Variants in EFTUD2 observed in about 807,000 individuals in gnomAD.
EFTUD2 encodes the protein 116 kDa U5 small nuclear ribonucleoprotein component.
EFTUD2 carries 9 observed loss-of-function variants against 114.3 expected under a neutral mutation model. That is an observed-to-expected ratio of 0.08 (90% CI 0.05 to 0.14). The LOEUF (loss-of-function observed/expected upper bound fraction) is 0.14. Among genes scored for constraint, EFTUD2 ranks in the 10% least tolerant of loss-of-function variants. EFTUD2 has a pLI of 1.00. For missense variants in EFTUD2, 765 were observed against 1,241.2 expected, an observed-to-expected ratio of 0.62 and a Z score of 5.76; for synonymous variants, 449 against 462.3, an observed-to-expected ratio of 0.97 and a Z score of 0.37.
chr17:44,881,103 G>A (rs2051064906), intron 7 of EFTUD2, among the ~76,000 whole-genome samples: 1 of 152,042 alleles, frequency 6.6e-6, no homozygotes, highest in South Asian at 2.1e-4. Flanking sequence ...AGCTAACATT[G>A]ATTGCCTATC....
In EFTUD2 at chr17:44,879,282, C is replaced by T. The variant is rs78094864; in HGVS notation, c.702+274G>A. 0.11 allele frequency among the ~76,000 whole-genome samples: 16,305 copies of T among 152,082 alleles called. 881 individuals carry two copies. The highest frequency in any genetic ancestry group is 0.26 in the Middle Eastern group (75 of 294). ...TGTATTTTTGGTAGAGACGGGGTTT[C>T]GCCACGTTGGCCAGGCTGGTCTCGA... On this transcript the variant is annotated intron_variant, in intron 9 of 27. Transcript: ENST00000426333.
At chr17:44,889,376 C>G (rs1391391292) in intron 2 of EFTUD2, among the ~76,000 whole-genome samples, 1 of 152,108 alleles carries the variant, frequency 6.6e-6, no homozygotes, top group African/African-American at 2.4e-5. Context: ...CAGGGAAAAT[C>G]TGGAGGTAAA....
At chr17:44,869,967 A>G (rs2050817538) in intron 11 of EFTUD2, among the ~76,000 whole-genome samples, 1 of 152,226 alleles carries the variant, frequency 6.6e-6, no homozygotes, top group African/African-American at 2.4e-5. Context: ...AGCACATGGT[A>G]TCAGTTTTGG....
In EFTUD2 at chr17:44,860,217, G is replaced by C. The variant is rs1053537782; in HGVS notation, c.1720-172C>G. On this transcript the variant is annotated intron_variant, in intron 17 of 27. Transcript: ENST00000426333. ...GGGCCATTTCTTCCCAGGTATTCTG[G>C]CAGAACAAAGAGAGGAGGAAAATAA... 8.8e-6 allele frequency: 8 copies of C among 912,660 alleles called. No homozygotes were observed. In the Admixed American group the frequency reaches 2.1e-4, roughly 23 times the overall value. The allele number at this position is 912,660 out of a possible 1,614,324, so 56.5% of individuals were successfully genotyped here.
chr17:44,885,096 G>T (rs561701852), intron 4 of EFTUD2, among the ~76,000 whole-genome samples, 160 bp downstream of exon 4: 4 of 152,132 alleles, frequency 2.6e-5, no homozygotes, highest in Non-Finnish European at 5.9e-5. Context: ...AGTTAAGATT[G>T]ACCCCAAATA....
chr17:44,856,130 C>G (rs1448600622), intron 20 of EFTUD2, among the ~76,000 whole-genome samples: 2 of 37,352 alleles, frequency 5.4e-5, no homozygotes, highest in Non-Finnish European at 9.4e-5. Context: ...GACCCTGTCT[C>G]AAAAAAAAAA....
rs1225101910 is a variant in EFTUD2, at chr17:44,860,533, C to G, written c.1618G>C (p.Glu540Gln). The G allele has an allele frequency of 6.2e-7, 1 of 1,611,230 alleles. No homozygotes were observed. Among genetic ancestry groups the G allele is most frequent in the Non-Finnish European group, 8.5e-7 (1 of 1,177,706 alleles). Residue 540 changes from glutamate (E) to glutamine (Q), a missense_variant, in exon 17 of 28, where the codon GAG (glutamate) becomes CAG (glutamine). By Grantham distance (29) the Glu-to-Gln change is conservative. Around this residue, in one of 6 missense-constraint regions of EFTUD2, gnomAD observed 149 missense variants for 245.1 expected, o/e 0.61. Coordinates refer to ENST00000426333, the MANE Select transcript of EFTUD2 (RefSeq NM_004247.4). ...TTGCCAGCAGGAACACGGTTCACCT[C>G]GATGTGGTACCTGAAGCAATGTCCA... ...LWISVARYHI[E>Q]VNRVPAGNWV...
intron 19 of EFTUD2, among the ~76,000 whole-genome samples, chr17:44,858,605 T>C (rs922815311): frequency 3.9e-5 from 6 of 152,160 alleles, no homozygotes; most frequent in African/African-American, 1.4e-4. Context: ...TACAGGTACA[T>C]GCCACTGCAC....
At chr17:44,886,020 T>A (rs1411463010) in intron 3 of EFTUD2, among the ~76,000 whole-genome samples, 5 of 152,040 alleles carry the variant, frequency 3.3e-5, no homozygotes, top group African/African-American at 1.2e-4. Context: ...AGAGATCACT[T>A]GAGGTCAGGA....
intron 5 of EFTUD2, 66 bp from the exon 6 acceptor site, chr17:44,883,224 G>C (rs1456295793): frequency 6.9e-6 from 10 of 1,450,010 alleles, no homozygotes; most frequent in Non-Finnish European, 9.7e-6. Context: ...CCTTCCCCCA[G>C]CTCCCAATAC....
intron 9 of EFTUD2, 92 bp downstream of exon 9, chr17:44,879,464 G>A: frequency 7.8e-7 from 1 of 1,283,074 alleles, no homozygotes; most frequent in Non-Finnish European, 1.1e-6. Context: ...CAAGTTCTCT[G>A]GCTCCCAGCT....
At chr17:44,877,824 C>CAAA (rs2050994984) in intron 9 of EFTUD2, among the ~76,000 whole-genome samples, 1 of 146,414 alleles carries the variant, frequency 6.8e-6, no homozygotes, top group African/African-American at 2.5e-5. Context: ...AAAACAACAA[C>CAAA]AACAACAACA....
rs1281734145 is a variant in EFTUD2, at chr17:44,876,875, A to AAAAAC, written c.703-776_703-775insGTTTT. ...CGTCTCAAAAAAAAAAAAAAAAAAAAAAAAAACTACTCCCCACTATGAGCC... is the reference window on the plus strand; with the variant it reads ...CGTCTCAAAAAAAAAAAAAAAAAAAAAAAACAAAAAACTACTCCCCACTATGAGCC... On this transcript the variant is annotated intron_variant, in intron 9 of 27. Coordinates refer to ENST00000426333, the MANE Select transcript of EFTUD2 (RefSeq NM_004247.4). Among the ~76,000 whole-genome samples the AAAAAC allele has an allele frequency of 5.0e-4, 72 of 144,534 alleles. 1 individual carries two copies. Among genetic ancestry groups the AAAAAC allele is most frequent in the African/African-American group, 1.6e-3 (65 of 39,908 alleles). 94.8% of individuals were successfully genotyped at this position (144,534 alleles called of 152,430 possible). A position where few individuals can be genotyped will look rare whatever the true frequency, so the allele number is the denominator to read the frequency against.
chr17:44,881,582 G>T, intron 7 of EFTUD2, 105 bp downstream of exon 7: 2 of 1,171,194 alleles, frequency 1.7e-6, no homozygotes, highest in South Asian at 1.2e-5. Context: ...AGAGGAGTAG[G>T]ATATGAACTA....
intron 10 of EFTUD2, 147 bp from the exon 11 acceptor site, chr17:44,872,717 G>T: frequency 3.3e-6 from 3 of 903,640 alleles, no homozygotes; most frequent in Non-Finnish European, 4.7e-6. Flanking sequence ...CAACAGCCTG[G>T]TCCAAGAAAG....
Position 44,854,955 on chromosome 17 carries a change from C to T in EFTUD2, c.2095G>A (p.Asp699Asn). ...ATCTGGACCACCTCATTCTCTATGT[C>T]CTCTGCCAGGCCCTTCTCAAGAGGC... ...AEPLEKGLAEDIENEVVQITW... is the reference protein window; with the variant it reads ...AEPLEKGLAENIENEVVQITW... Residue 699 changes from aspartate to asparagine, a missense_variant, in exon 21 of 28, where the codon GAC becomes AAC. This residue lies in a region of EFTUD2 where 166 missense variants were observed against 401.5 expected (regional missense o/e 0.41). Transcript: ENST00000426333. The surrounding 1 kb of genome is among the most constrained non-coding windows in gnomAD (Gnocchi z 4.3). 4 of 1,614,234 alleles carry T rather than the reference C, an allele frequency of 2.5e-6. No homozygotes were observed. Among genetic ancestry groups the T allele is most frequent in the Non-Finnish European group, 3.4e-6 (4 of 1,180,046 alleles).
chr17:44,862,216 C>CT (rs924536008), intron 16 of EFTUD2, among the ~76,000 whole-genome samples: 25 of 152,186 alleles, frequency 1.6e-4, no homozygotes, highest in African/African-American at 6.0e-4. Context: ...GGGAGGATCA[C>CT]TTGAGCCCAG....
intron 13 of EFTUD2, among the ~76,000 whole-genome samples, chr17:44,866,831 G>A (rs1034378993): frequency 2.6e-5 from 4 of 152,186 alleles, no homozygotes; most frequent in Non-Finnish European, 4.4e-5. Context: ...AAGCTGAGGT[G>A]GTGGACTCCT....
chr17:44,885,209 G>A, intron 4 of EFTUD2, 47 bp downstream of exon 4: 3 of 1,498,360 alleles, frequency 2.0e-6, no homozygotes, highest in Non-Finnish European at 2.8e-6. Context: ...ACAAAAACAT[G>A]AACCCACAGC....
Sources: gnomAD v4.1 joint callset for allele counts (sites outside exome capture counted in the v4.1 genomes callset) on GRCh38, gnomAD v4.1.1 for gene constraint, gnomAD v4.1.1 regional missense constraint, Gnocchi (gnomAD v3.1) non-coding constraint, MANE v1.5 for transcripts, NCBI Gene and HGNC (gene_info 2026-07-23, HGNC 2026-07-21) for gene names.